LIPI: variants seen among roughly 807,000 people sequenced by gnomAD.
LIPI encodes lipase I, also known as lipase member I.
A neutral mutation model predicts 50.6 loss-of-function variants in LIPI; 59 were observed. That is an observed-to-expected ratio of 1.16 (90% CI 0.94 to 1.45). The LOEUF (loss-of-function observed/expected upper bound fraction) is 1.45, where lower values mean the gene tolerates loss of function less well. LIPI is among the 40% of genes most tolerant of loss of function. The pLI, the probability that LIPI is intolerant of heterozygous loss-of-function variation, is 0.00. For synonymous variants in LIPI, 203 were observed against 178.2 expected, an observed-to-expected ratio of 1.14 and a Z score of -1.11; for missense variants, 586 against 536.3, an observed-to-expected ratio of 1.09 and a Z score of -0.92.
At chr21:14,170,601 C>A (rs1231652830) in intron 4 of LIPI, among the ~76,000 whole-genome samples, 1 of 152,112 alleles carries the variant, frequency 6.6e-6, no homozygotes, top group Non-Finnish European at 1.5e-5. Context: ...GAAACAGAAC[C>A]AAAGACAAAA....
intron 1 of LIPI, among the ~76,000 whole-genome samples, chr21:14,202,512 C>T (rs1387999845): frequency 2.0e-5 from 3 of 151,952 alleles, no homozygotes; most frequent in East Asian, 1.9e-4. Flanking sequence ...AGAACAGAGC[C>T]CTCAGAAATA....
chr21:14,146,511 G>A (rs757675944), intron 8 of LIPI, among the ~76,000 whole-genome samples: 27 of 152,024 alleles, frequency 1.8e-4, no homozygotes, highest in Non-Finnish European at 2.8e-4. Flanking sequence ...TTCAAACCCA[G>A]GGCACCATTG....
intron 7 of LIPI, among the ~76,000 whole-genome samples, chr21:14,153,426 T>C (rs553392257): frequency 1.3e-5 from 2 of 152,330 alleles, no homozygotes; most frequent in East Asian, 3.9e-4. Context: ...TTGATTCACC[T>C]TGCCCATATA....
intron 9 of LIPI, among the ~76,000 whole-genome samples, chr21:14,120,365 C>A (rs557532134): frequency 6.6e-6 from 1 of 152,292 alleles, no homozygotes; most frequent in South Asian, 2.1e-4. Flanking sequence ...CAGCGAATAT[C>A]TATACTGACT....
At position 14,161,691 on chromosome 21, in the gene LIPI, GTATAATATATACATTATTATATATTAATA is replaced by G. The variant is rs1568858431; in HGVS notation, c.1006+1699_1006+1727del. Among the ~76,000 whole-genome samples, 41 of 67,246 alleles carry G rather than the reference GTATAATATATACATTATTATATATTAATA, an allele frequency of 6.1e-4. 3 individuals are homozygous for G. The highest frequency in any genetic ancestry group is 5.9e-3 in the East Asian group (15 of 2,534). The allele number at this position is 67,246 out of a possible 152,430, so 44.1% of individuals were successfully genotyped here. A position where few individuals can be genotyped will look rare whatever the true frequency, so the allele number is the denominator to read the frequency against. The stretch of plus-strand genomic sequence containing the variant: ...AATATATACATTATTATATATTAAT[GTATAATATATACATTATTATATATTAATA>G]TATAATATATACATTATTATATATT... On this transcript the variant is annotated intron_variant, in intron 7 of 9. Transcript: ENST00000681601.
At chr21:14,205,027 C>T (rs2020186683) in intron 1 of LIPI, among the ~76,000 whole-genome samples, 1 of 150,884 alleles carries the variant, frequency 6.6e-6, no homozygotes, top group Non-Finnish European at 1.5e-5. Flanking sequence ...TATACAAAAC[C>T]ATAAATGAGA....
At chr21:14,187,347 G>A (rs73346087) in intron 2 of LIPI, among the ~76,000 whole-genome samples, 2,602 of 152,096 alleles carry the variant, frequency 0.017, 76 homozygotes, top group African/African-American at 0.059. Context: ...GATGTGGAGC[G>A]CTTGCCACTA....
At chr21:14,198,129 A>G (rs2019925748) in intron 1 of LIPI, among the ~76,000 whole-genome samples, 1 of 152,180 alleles carries the variant, frequency 6.6e-6, no homozygotes, top group Non-Finnish European at 1.5e-5. Flanking sequence ...AGCACTAGAT[A>G]TGGAAAGGAA....
intron 1 of LIPI, among the ~76,000 whole-genome samples, chr21:14,190,859 T>A (rs1214522019): frequency 6.6e-6 from 1 of 152,184 alleles, no homozygotes; most frequent in Admixed American, 6.5e-5. Flanking sequence ...TCAATACCAA[T>A]CAATACATCC....
chr21:14,208,136 A>G (rs2020275240), intron 1 of LIPI, among the ~76,000 whole-genome samples: 1 of 152,194 alleles, frequency 6.6e-6, no homozygotes, highest in African/African-American at 2.4e-5. Context: ...GAGAAAAATA[A>G]TGATTTTGTT....
intron 4 of LIPI, among the ~76,000 whole-genome samples, chr21:14,180,423 T>C (rs186238277): frequency 1.3e-4 from 20 of 152,334 alleles, no homozygotes; most frequent in Admixed American, 1.2e-3. Flanking sequence ...ATATGTGATG[T>C]CACCCCTGGT....
chr21:14,210,336 G>C (rs2020330725), intron 1 of LIPI, among the ~76,000 whole-genome samples: 1 of 152,068 alleles, frequency 6.6e-6, no homozygotes, highest in Admixed American at 6.5e-5. Context: ...TACTGAATGA[G>C]AGCAAAAGTT....
At chr21:14,170,737 G>A (rs1459765478) in intron 4 of LIPI, among the ~76,000 whole-genome samples, 1 of 151,354 alleles carries the variant, frequency 6.6e-6, no homozygotes, top group Non-Finnish European at 1.5e-5. Context: ...AGCTATCTAT[G>A]ACAAACCCAC....
At chr21:14,125,096 A>G (rs2017007531) in intron 9 of LIPI, among the ~76,000 whole-genome samples, 1 of 152,236 alleles carries the variant, frequency 6.6e-6, no homozygotes, top group South Asian at 2.1e-4. Context: ...TGAAAAATTC[A>G]CTACCAGCAC....
At chr21:14,142,035 G>A (rs1284797879) in intron 9 of LIPI, among the ~76,000 whole-genome samples, 2 of 152,112 alleles carry the variant, frequency 1.3e-5, no homozygotes, top group African/African-American at 4.8e-5. Flanking sequence ...AAGGCAACAA[G>A]GGGACAACAA....
At chr21:14,143,909 G>C (rs540719739) in intron 9 of LIPI, 2 of 155,256 alleles carry the variant, frequency 1.3e-5, no homozygotes, top group Non-Finnish European at 2.9e-5. Context: ...GGAGCATGTC[G>C]TCTTCAAGAA....
intron 4 of LIPI, among the ~76,000 whole-genome samples, chr21:14,178,841 T>G (rs2019178448): frequency 6.6e-6 from 1 of 152,148 alleles, no homozygotes; most frequent in South Asian, 2.1e-4. Flanking sequence ...TGAGATTGAA[T>G]TATGTGAATT....
intron 9 of LIPI, among the ~76,000 whole-genome samples, chr21:14,139,501 A>T (rs542980859): frequency 1.6e-3 from 242 of 152,242 alleles, no homozygotes; most frequent in Non-Finnish European, 2.6e-3. Flanking sequence ...TTAGTGCCCA[A>T]TATGTACCAG....
chr21:14,166,298 G>T (rs563813852), intron 5 of LIPI, 64 bp downstream of exon 5: 29 of 952,012 alleles, frequency 3.0e-5, no homozygotes, highest in Non-Finnish European at 4.8e-5. Context: ...GAGGGGAAAA[G>T]TAAGTTATTT....
Sources: gnomAD v4.1 joint callset for allele counts (sites outside exome capture counted in the v4.1 genomes callset) on GRCh38, gnomAD v4.1.1 for gene constraint, MANE v1.5 for transcripts, NCBI Gene and HGNC (gene_info 2026-07-23, HGNC 2026-07-21) for gene names.